Variants in LSAMP observed in about 807,000 individuals in gnomAD.
The protein encoded by LSAMP is limbic system-associated membrane protein.
In LSAMP, 7 loss-of-function variants were observed where a neutral mutation model predicts 38.6. That is an observed-to-expected ratio of 0.18 (90% CI 0.10 to 0.34). LSAMP has a LOEUF of 0.34. Ranked by LOEUF, LSAMP falls within the 10% of genes least tolerant of loss-of-function variation. The pLI, the probability that LSAMP is intolerant of heterozygous loss-of-function variation, is 1.00. For missense variants in LSAMP, 313 were observed against 420.0 expected (o/e 0.75, Z 2.23); for synonymous variants, 154 against 166.8 (o/e 0.92, Z 0.59).
intron 1 of LSAMP, among the ~76,000 whole-genome samples, chr3:116,413,590 A>C (rs116291562): frequency 0.026 from 3,984 of 152,122 alleles, 65 homozygotes; most frequent in Non-Finnish European, 0.04. Flanking sequence ...CCATGAGCAA[A>C]GGTACTATAC....
intron 3 of LSAMP, among the ~76,000 whole-genome samples, chr3:116,015,961 C>G (rs1940469199): frequency 1.3e-5 from 2 of 152,184 alleles, no homozygotes; most frequent in African/African-American, 4.8e-5. Flanking sequence ...CTTTGCAAGA[C>G]AGTCACACTC....
chr3:116,152,901 C>T (rs1709644244), intron 1 of LSAMP, among the ~76,000 whole-genome samples: 1 of 152,010 alleles, frequency 6.6e-6, no homozygotes, highest in African/African-American at 2.4e-5. Context: ...ATTACTTACA[C>T]ACTGTGAAGA....
intron 3 of LSAMP, among the ~76,000 whole-genome samples, chr3:115,951,078 A>AGG: frequency 6.6e-6 from 1 of 152,208 alleles, no homozygotes; most frequent in Non-Finnish European, 1.5e-5. Context: ...CCACATGATG[A>AGG]ATAAGAAACT....
intron 1 of LSAMP, among the ~76,000 whole-genome samples, chr3:116,287,907 G>T (rs2047214062): frequency 6.6e-6 from 1 of 152,152 alleles, no homozygotes; most frequent in Non-Finnish European, 1.5e-5. Context: ...CAGACTTTAT[G>T]CAATTCCAAA....
intron 6 of LSAMP, among the ~76,000 whole-genome samples, chr3:115,818,941 C>T (rs758280850): frequency 6.0e-5 from 9 of 149,968 alleles, no homozygotes; most frequent in Non-Finnish European, 1.3e-4. Context: ...AGGTGGATCA[C>T]CTGAGGTCGG....
chr3:116,185,214 AT>A (rs1327068434), intron 1 of LSAMP, among the ~76,000 whole-genome samples: 1 of 151,842 alleles, frequency 6.6e-6, no homozygotes, highest in Non-Finnish European at 1.5e-5. Flanking sequence ...CTCCAGACAT[AT>A]TCTTTTCATT....
chr3:115,994,031 T>C (rs770309796), intron 3 of LSAMP, among the ~76,000 whole-genome samples: 2 of 152,044 alleles, frequency 1.3e-5, no homozygotes, highest in Middle Eastern at 3.2e-3. Context: ...AAAGAAACTT[T>C]GGTGTTTGTT....
At chr3:115,827,820 A>C (rs185255802) in intron 6 of LSAMP, among the ~76,000 whole-genome samples, 104 of 152,280 alleles carry the variant, frequency 6.8e-4, no homozygotes, top group Middle Eastern at 3.4e-3. Context: ...TTCCAAACTC[A>C]TTATGCCATG....
At chr3:116,380,869 T>A (rs2048550065) in intron 1 of LSAMP, among the ~76,000 whole-genome samples, 1 of 152,070 alleles carries the variant, frequency 6.6e-6, no homozygotes, top group South Asian at 2.1e-4. Flanking sequence ...TTACAAGTAT[T>A]GCTATACTAA....
At position 116,139,650 on chromosome 3, in the gene LSAMP, A is replaced by T. The variant is rs1254067417; in HGVS notation, c.156-53094T>A. Among the ~76,000 whole-genome samples the T allele has an allele frequency of 2.0e-5, 3 of 151,912 alleles. No individual in the cohort carries two copies. In the East Asian group the frequency reaches 5.8e-4, roughly 29 times the overall value. On this transcript the variant is annotated intron_variant, in intron 1 of 6. Coordinates refer to ENST00000490035, the MANE Select transcript of LSAMP (RefSeq NM_002338.5). ...TGCCTAAGTCTTTCATCGTCAACCT[A>T]GGGGCCTTTATTTTCCTCCTTAAAG...
chr3:116,186,172 T>G (rs1362837488), intron 1 of LSAMP, among the ~76,000 whole-genome samples: 3 of 152,126 alleles, frequency 2.0e-5, no homozygotes, highest in African/African-American at 4.8e-5. Flanking sequence ...GGCAGACCAT[T>G]AAGGCAATCT....
At chr3:116,323,373 A>G (rs975126016) in intron 1 of LSAMP, among the ~76,000 whole-genome samples, 3 of 152,048 alleles carry the variant, frequency 2.0e-5, no homozygotes, top group African/African-American at 7.2e-5. Context: ...ATGAGTATCA[A>G]GTCATGGGTT....
intron 1 of LSAMP, among the ~76,000 whole-genome samples, chr3:116,246,603 G>A (rs1433090308): frequency 6.6e-6 from 1 of 152,088 alleles, no homozygotes. Context: ...CTCCTGTAGC[G>A]ATGCCATCCT....
intron 1 of LSAMP, among the ~76,000 whole-genome samples, chr3:116,420,629 G>A (rs1041168344): frequency 1.3e-5 from 2 of 151,974 alleles, no homozygotes; most frequent in Non-Finnish European, 2.9e-5. Context: ...CACTTTGGGA[G>A]GGAGGCCAAG....
chr3:116,185,164 A>G (rs1262048547), intron 1 of LSAMP, among the ~76,000 whole-genome samples: 3 of 151,198 alleles, frequency 2.0e-5, no homozygotes, highest in Non-Finnish European at 4.4e-5. Flanking sequence ...ACATTTACAC[A>G]TACCTCCAGC....
intron 1 of LSAMP, among the ~76,000 whole-genome samples, chr3:116,164,722 TA>T (rs1482997738): frequency 7.7e-6 from 1 of 130,718 alleles, no homozygotes; most frequent in African/African-American, 3.0e-5. Flanking sequence ...TATATATATA[TA>T]ATCCAAATAT....
chr3:115,859,401 G>A (rs1203890598), intron 3 of LSAMP, among the ~76,000 whole-genome samples: 1 of 152,060 alleles, frequency 6.6e-6, no homozygotes, highest in East Asian at 1.9e-4. Flanking sequence ...TAATGAGAAC[G>A]ATTTTAGGGA....
intron 1 of LSAMP, among the ~76,000 whole-genome samples, chr3:116,192,320 G>A (rs1710772784): frequency 6.6e-6 from 1 of 152,192 alleles, no homozygotes. Context: ...TGGAACAAGA[G>A]CAGATGTATG....
chr3:116,071,868 C>A (rs1037981380), intron 2 of LSAMP, among the ~76,000 whole-genome samples: 2 of 152,014 alleles, frequency 1.3e-5, no homozygotes, highest in African/African-American at 4.8e-5. Flanking sequence ...TCTGTTACTG[C>A]ATTAGTTTGC....
Sources: gnomAD v4.1 joint callset for allele counts (sites outside exome capture counted in the v4.1 genomes callset) on GRCh38, gnomAD v4.1.1 for gene constraint, MANE v1.5 for transcripts, NCBI Gene and HGNC (gene_info 2026-07-23, HGNC 2026-07-21) for gene names.